Variants in APMAP observed in about 807,000 individuals in gnomAD.
The protein encoded by APMAP is adipocyte plasma membrane-associated protein.
Under a neutral mutation model 43.6 loss-of-function variants are expected in APMAP, and 33 were observed. The ratio of observed to expected loss-of-function variants is 0.76; its 90% CI spans 0.57 to 1.01. APMAP has a LOEUF of 1.01. APMAP is among the 50% of genes least tolerant of loss of function. The pLI is 0.00. For synonymous variants in APMAP, 224 were observed against 216.7 expected, an observed-to-expected ratio of 1.03 and a Z score of -0.30; for missense variants, 498 against 540.7, an observed-to-expected ratio of 0.92 and a Z score of 0.78.
At chr20:24,975,519 T>A (rs1221748662) in intron 3 of APMAP, among the ~76,000 whole-genome samples, 1 of 152,066 alleles carries the variant, frequency 6.6e-6, no homozygotes, top group Non-Finnish European at 1.5e-5. Context: ...ATGAAAGAAA[T>A]CAAAGAACTA....
intron 4 of APMAP, among the ~76,000 whole-genome samples, chr20:24,972,641 C>T (rs377203797): frequency 7.7e-4 from 115 of 149,898 alleles, no homozygotes; most frequent in African/African-American, 2.7e-3. Flanking sequence ...TTGCAGGGTG[C>T]TCACTACAGG....
At chr20:24,978,612 G>A (rs1047218553) in intron 3 of APMAP, among the ~76,000 whole-genome samples, 155 bp downstream of exon 3, 1 of 152,186 alleles carries the variant, frequency 6.6e-6, no homozygotes, top group Admixed American at 6.5e-5. Flanking sequence ...CCTCCCATGT[G>A]ATGTCTGAGG....
rs1288825960 is a variant in APMAP at position 24,963,801 on chromosome 20, T to A, written c.*12A>T. 6.2e-7 allele frequency: 1 copy of A among 1,613,094 alleles called. No individual in the cohort carries two copies. Among genetic ancestry groups the A allele is most frequent in the Non-Finnish European group, 8.5e-7 (1 of 1,179,368 alleles). The stretch of plus-strand genomic sequence containing the variant: ...TCCTGGCCTGCGTGGCAGGGGCAGC[T>A]ATCTGGGAGGGCTAAACAGCCTGGA... On this transcript the variant is annotated 3_prime_UTR_variant, in exon 9 of 9. Transcript: ENST00000217456.
rs2088206663 is a variant in APMAP at position 24,992,723 on chromosome 20, T to A, written c.-35A>T. ...GCCAGCCTCACCCGCAGAAACCACC[T>A]CACACTGAGCGGCGCCGGCTCAGAC... On this transcript the variant is annotated 5_prime_UTR_variant, in exon 1 of 9. Coordinates refer to ENST00000217456, the MANE Select transcript of APMAP (RefSeq NM_020531.3). 1.4e-6 allele frequency: 2 copies of A among 1,450,080 alleles called. No individual in the cohort carries two copies. The highest frequency in any genetic ancestry group is 1.4e-5 in the African/African-American group (1 of 69,420). The allele number at this position is 1,450,080 out of a possible 1,614,324, so 89.8% of individuals were successfully genotyped here.
intron 7 of APMAP, 87 bp from the exon 8 acceptor site, chr20:24,969,171 C>T: frequency 1.6e-6 from 2 of 1,285,842 alleles, no homozygotes; most frequent in Non-Finnish European, 2.1e-6. Flanking sequence ...TGGTCTTGGT[C>T]CAAATATATA....
intron 4 of APMAP, among the ~76,000 whole-genome samples, chr20:24,971,897 CACTGCAGGTGCTT>C (rs2122495527): frequency 1.3e-5 from 2 of 150,130 alleles, no homozygotes; most frequent in East Asian, 4.0e-4. Context: ...GTGAGGTGCT[CACTGCAGGTGCTT>C]ATTGCAGGGT....
chr20:24,985,168 C>G (rs186007127), intron 1 of APMAP, among the ~76,000 whole-genome samples: 1 of 152,276 alleles, frequency 6.6e-6, no homozygotes, highest in Non-Finnish European at 1.5e-5. Context: ...ACTCCAAAAC[C>G]CACAGTTTCC....
intron 1 of APMAP, among the ~76,000 whole-genome samples, chr20:24,984,705 C>T (rs2088133080): frequency 6.6e-6 from 1 of 152,186 alleles, no homozygotes; most frequent in Non-Finnish European, 1.5e-5. Context: ...ATGAAAGCTT[C>T]CCTGGGAATC....
chr20:24,969,735 T>C, intron 6 of APMAP, 75 bp from the exon 7 acceptor site: 1 of 1,523,606 alleles, frequency 6.6e-7, no homozygotes, highest in Non-Finnish European at 8.9e-7. Context: ...GGTATGGGCC[T>C]GAAGAAGGTG....
At chr20:24,983,222 G>T (rs1217849758) in intron 2 of APMAP, among the ~76,000 whole-genome samples, 2 of 152,158 alleles carry the variant, frequency 1.3e-5, no homozygotes, top group Non-Finnish European at 2.9e-5. Context: ...ATTCTTGTCT[G>T]AAGTTTTTAA....
intron 4 of APMAP, 62 bp from the exon 5 acceptor site, chr20:24,971,638 G>C (rs1215294434): frequency 1.5e-6 from 2 of 1,336,354 alleles, no homozygotes; most frequent in Admixed American, 1.7e-5. Context: ...GCTGTTCTCA[G>C]TATCCAAGCA....
In APMAP at chr20:24,970,306, C is replaced by G. The variant is rs751447454; in HGVS notation, c.604G>C (p.Asp202His). The G allele has an allele frequency of 1.9e-6, 3 of 1,614,086 alleles. No individual in the cohort carries two copies. Among genetic ancestry groups the G allele is most frequent in the Non-Finnish European group, 1.7e-6 (2 of 1,179,982 alleles). Residue 202 changes from aspartate (D) to histidine (H), a missense_variant, in exon 6 of 9, where the codon GAT (aspartate) becomes CAT (histidine). Coordinates refer to ENST00000217456, the MANE Select transcript of APMAP (RefSeq NM_020531.3). The part of the protein sequence containing the change: ...IEGKNMSFVN[D>H]LTVTQDGRKI... The stretch of plus-strand genomic sequence containing the variant: ...CTCCCATCCTGAGTGACTGTAAGAT[C>G]ATTCACAAAGGACATGTTCTTCCCC...
chr20:24,980,923 C>T (rs1955894606), intron 2 of APMAP, among the ~76,000 whole-genome samples: 1 of 152,248 alleles, frequency 6.6e-6, no homozygotes, highest in African/African-American at 2.4e-5. Context: ...ATCAGGCCAG[C>T]AGACGGGGCA....
intron 3 of APMAP, among the ~76,000 whole-genome samples, chr20:24,975,476 C>A (rs1186052107): frequency 6.6e-5 from 10 of 152,062 alleles, no homozygotes; most frequent in African/African-American, 2.2e-4. Flanking sequence ...ATAATATACA[C>A]GAGGTCTATA....
At chr20:24,971,427 C>A in intron 5 of APMAP, 33 bp downstream of exon 5, 1 of 1,570,556 alleles carries the variant, frequency 6.4e-7, no homozygotes, top group Non-Finnish European at 8.8e-7. Flanking sequence ...GATCTAAAAT[C>A]TTCATAGAAG....
rs115779992 is a variant in APMAP at position 24,973,707 on chromosome 20, C to A, written c.359G>T (p.Arg120Leu). 661 of 1,614,124 alleles carry A rather than the reference C, an allele frequency of 4.1e-4. 2 individuals are homozygous for A. In the African/African-American group the frequency reaches 8.2e-3, roughly 20 times the overall value. Residue 120 changes from arginine to leucine, a missense_variant, in exon 4 of 9, where the codon CGG (arginine) becomes CTG (leucine). By Grantham distance (102) the Arg-to-Leu change is moderately radical (BLOSUM62 -2). Coordinates refer to ENST00000217456, the MANE Select transcript of APMAP (RefSeq NM_020531.3). Reference protein sequence around the residue: ...DVMFTGTADGRVVKLENGEIE... With the variant: ...DVMFTGTADGLVVKLENGEIE... ...TTCACCATTTTCAAGTTTTACGACC[C>A]GGCCATCTGCTGTCCCAGTAAACAT...
At chr20:24,986,564 A>T (rs1034586466) in intron 1 of APMAP, among the ~76,000 whole-genome samples, 2 of 152,250 alleles carry the variant, frequency 1.3e-5, no homozygotes, top group African/African-American at 4.8e-5. Flanking sequence ...CAAAGCACAG[A>T]ACTACGACCT....
chr20:24,971,401 C>T (rs6050225), intron 5 of APMAP, 59 bp downstream of exon 5: 129,802 of 1,422,250 alleles, frequency 0.091, 6,623 homozygotes, highest in Non-Finnish European at 0.1. Flanking sequence ...TCTACACATA[C>T]ATATATTGTT....
chr20:24,983,127 G>A (rs891165107), intron 2 of APMAP, among the ~76,000 whole-genome samples: 3 of 152,130 alleles, frequency 2.0e-5, no homozygotes, highest in Non-Finnish European at 2.9e-5. Context: ...TTAGTGAATC[G>A]GATCCAATAT....
Sources: gnomAD v4.1 joint callset for allele counts (sites outside exome capture counted in the v4.1 genomes callset) on GRCh38, gnomAD v4.1.1 for gene constraint, MANE v1.5 for transcripts, NCBI Gene and HGNC (gene_info 2026-07-23, HGNC 2026-07-21) for gene names.